Variants in HSF5 observed in about 807,000 individuals in gnomAD.
The protein encoded by HSF5 is heat shock factor protein 5.
In HSF5, 5 loss-of-function variants were observed where a neutral mutation model predicts 50.8. The ratio of observed to expected loss-of-function variants is 0.10; its 90% CI spans 0.05 to 0.21. HSF5 has a LOEUF of 0.21. HSF5 is among the 10% of genes least tolerant of loss of function. HSF5 has a pLI of 1.00. For missense variants in HSF5, 564 were observed against 762.6 expected (o/e 0.74, Z 3.07); for synonymous variants, 307 against 307.4 (o/e 1.00, Z 0.02).
At chr17:58,434,990 CA>C (rs771889805) in intron 5 of HSF5, among the ~76,000 whole-genome samples, 11 of 152,210 alleles carry the variant, frequency 7.2e-5, no homozygotes, top group Non-Finnish European at 1.6e-4. Flanking sequence ...TCCATTATAA[CA>C]GAAGGAAAGG....
chr17:58,423,937 G>A (rs980587507), intron 5 of HSF5, among the ~76,000 whole-genome samples: 1 of 152,138 alleles, frequency 6.6e-6, no homozygotes, highest in Non-Finnish European at 1.5e-5. Flanking sequence ...TCCACAGCCC[G>A]AGCAGGATAG....
chr17:58,455,881 G>A (rs1028393800), intron 5 of HSF5, among the ~76,000 whole-genome samples: 1 of 152,086 alleles, frequency 6.6e-6, no homozygotes, highest in Admixed American at 6.6e-5. Flanking sequence ...TATGCTATTT[G>A]TAGGAATGTA....
At position 58,421,946 on chromosome 17, in the gene HSF5, G is replaced by A. The variant is rs1974233943; in HGVS notation, c.*414C>T. The A allele has an allele frequency of 6.3e-6, 1 of 158,880 alleles. No individual in the cohort carries two copies. The highest frequency in any genetic ancestry group is 1.4e-5 in the Non-Finnish European group (1 of 71,818). The allele number at this position is 158,880 out of a possible 1,614,324, so 9.8% of individuals were successfully genotyped here. On this transcript the variant is annotated 3_prime_UTR_variant, in exon 6 of 6. Transcript: ENST00000323777. ...CAATCTCCTCTAAAAGGATCACACT[G>A]TGACTTGAATCAGAGAGACTGAATT...
At chr17:58,446,390 G>A (rs1415397377) in intron 5 of HSF5, among the ~76,000 whole-genome samples, 2 of 152,206 alleles carry the variant, frequency 1.3e-5, no homozygotes, top group Non-Finnish European at 2.9e-5. Context: ...ACGCAATGCA[G>A]CATAGAGAAA....
At position 58,433,640 on chromosome 17, in the gene HSF5, G is replaced by A. The variant is rs1489886410; in HGVS notation, c.1721-11210C>T. ...ACTAGGAAAGGGAGATGTTCCACAA[G>A]CCAGAAGAAAGCATTTCAGGAAGGT... On this transcript the variant is annotated intron_variant, in intron 5 of 5. Transcript: ENST00000323777. 2.0e-5 allele frequency among the ~76,000 whole-genome samples: 3 copies of A among 152,166 alleles called. No homozygotes were observed. The East Asian group carries it at 5.8e-4, about 29-fold the overall frequency.
chr17:58,470,758 A>T (rs1199139527), intron 2 of HSF5, among the ~76,000 whole-genome samples: 2 of 152,036 alleles, frequency 1.3e-5, no homozygotes, highest in Non-Finnish European at 2.9e-5. Context: ...AAACCCCGTC[A>T]CTACTAAAAA....
In HSF5 at chr17:58,462,982, G is replaced by C. The variant is rs899882455; in HGVS notation, c.1342C>G (p.Gln448Glu). Residue 448 changes from glutamine to glutamate, a missense_variant, in exon 4 of 6, where the codon CAA becomes GAA. Gln to Glu is a conservative substitution (Grantham distance 29, BLOSUM62 2). This residue lies in a region of HSF5 where 441 missense variants were observed against 533.6 expected (regional missense o/e 0.83). Transcript: ENST00000323777. ...DIMSFVVGTE[Q>E]AVACSLPQSP... ...TGTGGTAGAGAGCAGGCAACTGCTT[G>C]TTCTGTTCCAACCACAAAAGACATA... 6.2e-7 allele frequency: 1 copy of C among 1,614,162 alleles called. No individual in the cohort carries two copies. Among genetic ancestry groups the C allele is most frequent in the African/African-American group, 1.3e-5 (1 of 75,052 alleles).
intron 5 of HSF5, among the ~76,000 whole-genome samples, chr17:58,447,707 C>T (rs1431246146): frequency 6.6e-6 from 1 of 152,148 alleles, no homozygotes; most frequent in African/African-American, 2.4e-5. Context: ...GTTACAGTGA[C>T]CACAGGCTTA....
Position 58,488,290 on chromosome 17 carries a change from G to C in HSF5, c.-16C>G, listed in dbSNP as rs965632864. On this transcript the variant is annotated 5_prime_UTR_variant, in exon 1 of 6. Transcript: ENST00000323777. The surrounding 1 kb of genome is among the most constrained non-coding windows in gnomAD (Gnocchi z 4.1). ...GCGCCTCCATCGCCCCGCCGGGCCG[G>C]GGCCTCGCCCCCCGAGCCTAGCTCT... The C allele has an allele frequency of 1.4e-6, 2 of 1,459,458 alleles. No individual in the cohort carries two copies. Among genetic ancestry groups the C allele is most frequent in the Admixed American group, 2.7e-5 (1 of 37,306 alleles). The allele number at this position is 1,459,458 out of a possible 1,614,324, so 90.4% of individuals were successfully genotyped here.
chr17:58,448,838 T>C (rs907768750), intron 5 of HSF5, among the ~76,000 whole-genome samples: 6 of 152,222 alleles, frequency 3.9e-5, no homozygotes, highest in African/African-American at 1.4e-4. Flanking sequence ...AAACCACTGA[T>C]ATCTTTAGTG....
intron 1 of HSF5, among the ~76,000 whole-genome samples, chr17:58,484,944 GATTTT>G (rs1199769980): frequency 8.2e-5 from 9 of 109,996 alleles, no homozygotes; most frequent in Admixed American, 2.4e-4. Context: ...AAATAACCCA[GATTTT>G]TTTTTTTTTT....
chr17:58,438,181 C>T (rs2143742168), intron 5 of HSF5, among the ~76,000 whole-genome samples: 1 of 152,180 alleles, frequency 6.6e-6, no homozygotes, highest in Non-Finnish European at 1.5e-5. Flanking sequence ...AGATTGTACT[C>T]TATTTTTACT....
intron 2 of HSF5, among the ~76,000 whole-genome samples, chr17:58,473,457 A>AGTAAAAT (rs1338775809): frequency 6.6e-6 from 1 of 152,220 alleles, no homozygotes; most frequent in East Asian, 1.9e-4. Context: ...GTGGAGAATA[A>AGTAAAAT]GTAAAATTAA....
intron 2 of HSF5, among the ~76,000 whole-genome samples, chr17:58,472,171 A>G (rs189326817): frequency 2.6e-5 from 4 of 151,910 alleles, no homozygotes; most frequent in African/African-American, 9.7e-5. Flanking sequence ...AGGACCATTT[A>G]AAAAAAACAG....
At chr17:58,482,264 T>A (rs554423448) in intron 1 of HSF5, among the ~76,000 whole-genome samples, 2 of 152,184 alleles carry the variant, frequency 1.3e-5, no homozygotes, top group Admixed American at 6.5e-5. Context: ...AAATGATAGA[T>A]CTCTTAAAAA....
intron 5 of HSF5, among the ~76,000 whole-genome samples, chr17:58,426,596 T>A (rs1483217389): frequency 6.6e-6 from 1 of 152,184 alleles, no homozygotes; most frequent in Non-Finnish European, 1.5e-5. Context: ...CATAATCCAA[T>A]AGCTATAAAA....
At position 58,454,246 on chromosome 17, in the gene HSF5, AAAAT is replaced by A. The variant is rs547059743; in HGVS notation, c.1720+4518_1720+4521del. Among the ~76,000 whole-genome samples the A allele has an allele frequency of 3.4e-3, 521 of 151,350 alleles. 2 individuals carry two copies. The highest frequency in any genetic ancestry group is 0.012 in the African/African-American group (506 of 40,846). The stretch of plus-strand genomic sequence containing the variant: ...CAAAAACAAAAACAAAACAAAACAA[AAAAT>A]AAATAAAAAAATAAATAAAAATAAA... On this transcript the variant is annotated intron_variant, in intron 5 of 5. Transcript: ENST00000323777.
chr17:58,436,564 A>G (rs1298055765), intron 5 of HSF5, among the ~76,000 whole-genome samples: 1 of 152,168 alleles, frequency 6.6e-6, no homozygotes. Flanking sequence ...GGAAGAGTTA[A>G]TAAAGATAAT....
chr17:58,432,165 A>G (rs1049993634), intron 5 of HSF5, among the ~76,000 whole-genome samples: 1 of 152,236 alleles, frequency 6.6e-6, no homozygotes, highest in Admixed American at 6.5e-5. Context: ...ATATGGAGAA[A>G]AAAAGCAACT....
Sources: gnomAD v4.1 joint callset for allele counts (sites outside exome capture counted in the v4.1 genomes callset) on GRCh38, gnomAD v4.1.1 for gene constraint, gnomAD v4.1.1 regional missense constraint, Gnocchi (gnomAD v3.1) non-coding constraint, MANE v1.5 for transcripts, NCBI Gene and HGNC (gene_info 2026-07-23, HGNC 2026-07-21) for gene names.